Variants in ZNF780B observed in about 807,000 individuals in gnomAD.
ZNF780B encodes zinc finger protein 779.
Under a neutral mutation model 74.1 loss-of-function variants are expected in ZNF780B, and 52 were observed. The observed-to-expected ratio is 0.70, with a 90% confidence interval of 0.56 to 0.88. The LOEUF (loss-of-function observed/expected upper bound fraction) is 0.88, where lower values mean the gene tolerates loss of function less well. Ranked by LOEUF, ZNF780B falls within the 40% of genes least tolerant of loss-of-function variation. The probability of loss-of-function intolerance (pLI) is 0.00; values close to 1 mark genes in which losing one functional copy is unlikely to be tolerated. For missense variants in ZNF780B, 953 were observed against 1,007.6 expected (o/e 0.95, Z 0.73); for synonymous variants, 315 against 324.3 (o/e 0.97, Z 0.31).
At position 40,033,881 on chromosome 19, in the gene ZNF780B, T is replaced by C. The variant is rs549242835; in HGVS notation, c.*476A>G. The C allele has an allele frequency of 2.1e-4, 40 of 188,742 alleles. 1 individual carries two copies. In the South Asian group the frequency reaches 4.3e-3, roughly 20 times the overall value. 11.7% of individuals were successfully genotyped at this position (188,742 alleles called of 1,614,324 possible). On this transcript the variant is annotated 3_prime_UTR_variant, in exon 5 of 5. Coordinates refer to ENST00000434248, the MANE Select transcript of ZNF780B (RefSeq NM_001005851.3). ...GCTCACCAGTATGAATTTTAACATG[T>C]TGAACAAGGCTCGAGCTACAAGTAA... is the stretch of plus-strand genomic sequence containing the variant.
At position 40,036,167 on chromosome 19, in the gene ZNF780B, T is replaced by C. The variant is rs774154621; in HGVS notation, c.692A>G (p.Asn231Ser). ...FECKECGKAF[N>S]LPTQLNRHKN... ...ATGGCGATTAAGCTGGGTGGGAAGA[T>C]TAAAGGCTTTTCCACATTCCTTACA... Residue 231 changes from asparagine (N) to serine (S), a missense_variant, in exon 5 of 5, where the codon AAT becomes AGT. Physicochemically the swap from Asn to Ser is conservative, Grantham distance 46 (BLOSUM62 1). Coordinates refer to ENST00000434248, the MANE Select transcript of ZNF780B (RefSeq NM_001005851.3). The C allele has an allele frequency of 2.7e-5, 44 of 1,613,898 alleles. 1 individual carries two copies. The highest frequency in any genetic ancestry group is 3.6e-5 in the Non-Finnish European group (43 of 1,179,980).
In ZNF780B at chr19:40,032,737, G is replaced by C. The variant is rs915636153; in HGVS notation, c.*1620C>G. 1 of 144,718 alleles carries C rather than the reference G, an allele frequency of 6.9e-6. No homozygotes were observed. The highest frequency in any genetic ancestry group is 2.6e-5 in the African/African-American group (1 of 37,944). The allele number at this position is 144,718 out of a possible 1,614,324, so 9.0% of individuals were successfully genotyped here. On this transcript the variant is annotated 3_prime_UTR_variant, in exon 5 of 5. Transcript: ENST00000434248. ...CATCTCAAAAAAAAAAAAAAAAAAA[G>C]AGAAAATGAATAGCTGTAAAAGATG...
intron 4 of ZNF780B, among the ~76,000 whole-genome samples, chr19:40,045,033 G>A (rs1259407723): frequency 2.0e-5 from 3 of 152,096 alleles, no homozygotes; most frequent in Non-Finnish European, 4.4e-5. Context: ...AACCAAAAGT[G>A]AGTAGAAATA....
chr19:40,032,454 C>G lies in ZNF780B; in HGVS notation c.*1903G>C, dbSNP rs952398451. On this transcript the variant is annotated 3_prime_UTR_variant, in exon 5 of 5. Coordinates refer to ENST00000434248, the MANE Select transcript of ZNF780B (RefSeq NM_001005851.3). ...TAGCTGTAGGCCAGGCATGCTGGCT[C>G]ATGCCTGTAATCCCAGCACTTTGGG... 1.9e-5 allele frequency: 6 copies of G among 320,360 alleles called. No homozygotes were observed. Among genetic ancestry groups the G allele is most frequent in the Admixed American group, 9.0e-5 (2 of 22,132 alleles). The allele number at this position is 320,360 out of a possible 1,614,324, so 19.8% of individuals were successfully genotyped here. A position where few individuals can be genotyped will look rare whatever the true frequency, so the allele number is the denominator to read the frequency against.
At chr19:40,045,049 G>A (rs416283) in intron 4 of ZNF780B, among the ~76,000 whole-genome samples, 31,220 of 152,004 alleles carry the variant, frequency 0.21, 6,978 homozygotes, top group African/African-American at 0.56. Flanking sequence ...AAATAGCTAC[G>A]TTTATATCAG....
rs1173278288 is a variant in ZNF780B at position 40,050,260 on chromosome 19, A to G, written c.9+64T>C. On this transcript the variant is annotated intron_variant, in intron 2 of 4. Transcript: ENST00000434248. ...TACGTAAGAAGGTTCAGGTTTAATAATAACAGTCACCTAACCTAACCTGAA... is the reference window on the plus strand; with the variant it reads ...TACGTAAGAAGGTTCAGGTTTAATAGTAACAGTCACCTAACCTAACCTGAA... 6 of 1,541,296 alleles carry G rather than the reference A, an allele frequency of 3.9e-6. No homozygotes were observed. The East Asian group carries it at 1.4e-4, about 35-fold the overall frequency.
At chr19:40,051,373 G>A (rs1029507572) in intron 1 of ZNF780B, among the ~76,000 whole-genome samples, 2 of 151,750 alleles carry the variant, frequency 1.3e-5, no homozygotes, top group African/African-American at 2.4e-5. Flanking sequence ...TCCTTTCAAC[G>A]TGGGGACAAA....
chr19:40,048,524 T>C (rs1292856058), intron 3 of ZNF780B, 146 bp downstream of exon 3: 30 of 1,355,348 alleles, frequency 2.2e-5, no homozygotes, highest in Non-Finnish European at 5.2e-6. Flanking sequence ...GGTGCCTGTT[T>C]TCAACCCAAC....
At chr19:40,048,177 CT>C (rs1416490099) in intron 3 of ZNF780B, among the ~76,000 whole-genome samples, 1 of 152,158 alleles carries the variant, frequency 6.6e-6, no homozygotes, top group African/African-American at 2.4e-5. Context: ...CAGTGTCTTG[CT>C]CTGTTGCCCA....
intron 1 of ZNF780B, among the ~76,000 whole-genome samples, chr19:40,051,507 A>T (rs1256201544): frequency 6.6e-6 from 1 of 152,200 alleles, no homozygotes; most frequent in African/African-American, 2.4e-5. Context: ...TCTAAAAAAA[A>T]TTGTCTACAA....
intron 4 of ZNF780B, among the ~76,000 whole-genome samples, chr19:40,044,017 C>T (rs1057273786): frequency 3.9e-5 from 6 of 152,166 alleles, no homozygotes; most frequent in East Asian, 1.9e-4. Context: ...GAGCTGTACA[C>T]CGGAGCTGTT....
At chr19:40,045,943 G>A (rs145986782) in intron 4 of ZNF780B, among the ~76,000 whole-genome samples, 7 of 152,148 alleles carry the variant, frequency 4.6e-5, no homozygotes, top group African/African-American at 1.2e-4. Context: ...GGCCAAGATC[G>A]CACCACTGCA....
intron 1 of ZNF780B, chr19:40,055,920 G>A (rs921786892): frequency 6.5e-6 from 1 of 153,560 alleles, no homozygotes; most frequent in Non-Finnish European, 1.5e-5. Context: ...AAAACGCACT[G>A]CGTCCACACG....
intron 2 of ZNF780B, 22 bp from the exon 3 acceptor site, chr19:40,048,818 T>C (rs773795433): frequency 1.9e-6 from 3 of 1,612,248 alleles, no homozygotes; most frequent in African/African-American, 2.7e-5. Context: ...AACACATGGA[T>C]TATGGTGAAA....
At position 40,034,142 on chromosome 19, in the gene ZNF780B, T is replaced by C; in HGVS notation, c.*215A>G. ...TGAATTTTAACATGTTTAACAGGTT[T>C]GAACTATGACTAAAGGCTTTCCCAC... On this transcript the variant is annotated 3_prime_UTR_variant, in exon 5 of 5. Transcript: ENST00000434248. 1 of 633,582 alleles carries C rather than the reference T, an allele frequency of 1.6e-6. No individual in the cohort carries two copies. The allele number at this position is 633,582 out of a possible 1,614,324, so 39.2% of individuals were successfully genotyped here. A position where few individuals can be genotyped will look rare whatever the true frequency, so the allele number is the denominator to read the frequency against.
At chr19:40,051,245 CATAT>C (rs1973216806) in intron 1 of ZNF780B, among the ~76,000 whole-genome samples, 1 of 151,890 alleles carries the variant, frequency 6.6e-6, no homozygotes, top group South Asian at 2.1e-4. Flanking sequence ...TATATACACA[CATAT>C]ACACATGTGT....
At chr19:40,038,239 T>C (rs1004736129) in intron 4 of ZNF780B, among the ~76,000 whole-genome samples, 3 of 151,950 alleles carry the variant, frequency 2.0e-5, no homozygotes, top group Admixed American at 6.6e-5. Context: ...ACAAAGGACA[T>C]GAACTCATCA....
rs754515432 is a variant in ZNF780B at position 40,035,800 on chromosome 19, C to T, written c.1059G>A (p.Lys353=). 24 of 1,613,990 alleles carry T rather than the reference C, an allele frequency of 1.5e-5. No homozygotes were observed. The highest frequency in any genetic ancestry group is 1.9e-5 in the Non-Finnish European group (23 of 1,180,006). The part of the protein sequence containing the change: ...TLLTKLVRHQ[K]IHMGEKPFEC... ...CAAAGGGCTTCTCACCCATATGAAT[C>T]TTCTGATGTCGAACAAGCTTTGTCA... is the stretch of plus-strand genomic sequence containing the variant. Residue 353 remains lysine (K), a synonymous_variant, in exon 5 of 5, where the codon AAG becomes AAA. Transcript: ENST00000434248.
chr19:40,041,359 GT>G (rs918329973), intron 4 of ZNF780B, among the ~76,000 whole-genome samples: 39 of 152,308 alleles, frequency 2.6e-4, no homozygotes, highest in African/African-American at 9.4e-4. Flanking sequence ...GTGTGGTGTG[GT>G]GCTGAAAAGA....
Sources: gnomAD v4.1 joint callset for allele counts (sites outside exome capture counted in the v4.1 genomes callset) on GRCh38, gnomAD v4.1.1 for gene constraint, MANE v1.5 for transcripts, NCBI Gene and HGNC (gene_info 2026-07-23, HGNC 2026-07-21) for gene names.